GPC6: variants seen among roughly 807,000 people sequenced by gnomAD.
GPC6 encodes the protein glypican-6.
A neutral mutation model predicts 55.2 loss-of-function variants in GPC6; 14 were observed. The ratio of observed to expected loss-of-function variants is 0.25; its 90% CI spans 0.17 to 0.40. The LOEUF is 0.40. GPC6 is among the 10% of genes least tolerant of loss of function. The probability of loss-of-function intolerance (pLI) is 1.00; values close to 1 mark genes in which losing one functional copy is unlikely to be tolerated. For missense variants in GPC6, 641 were observed against 708.5 expected (o/e 0.90, Z 1.08); for synonymous variants, 278 against 259.6 (o/e 1.07, Z -0.68).
At chr13:94,346,301 G>A (rs908496273) in intron 6 of GPC6, among the ~76,000 whole-genome samples, 6 of 152,316 alleles carry the variant, frequency 3.9e-5, no homozygotes, top group Admixed American at 2.0e-4. Flanking sequence ...TGAGGATGGG[G>A]GGAGTGTGAG....
At position 93,412,036 on chromosome 13, in the gene GPC6, G is replaced by A. The variant is rs377550208; in HGVS notation, c.161-133227G>A. On this transcript the variant is annotated intron_variant, in intron 1 of 8. Transcript: ENST00000377047. ...AAAATAAATAAAATAAAAATAAATA[G>A]CCATTATATTCTCTCCATTATTCAA... 1.6e-4 allele frequency among the ~76,000 whole-genome samples: 24 copies of A among 151,558 alleles called. No individual in the cohort carries two copies. In the South Asian group the frequency reaches 4.8e-3, roughly 30 times the overall value.
chr13:93,776,922 G>A (rs1354796629), intron 2 of GPC6, among the ~76,000 whole-genome samples: 6 of 152,078 alleles, frequency 3.9e-5, no homozygotes, highest in Admixed American at 3.3e-4. Flanking sequence ...CAAACTATAC[G>A]GAACAGTTGT....
At chr13:93,854,238 G>A (rs868232872) in intron 3 of GPC6, among the ~76,000 whole-genome samples, 1 of 151,500 alleles carries the variant, frequency 6.6e-6, no homozygotes, top group Non-Finnish European at 1.5e-5. Flanking sequence ...AGCAGTTTGG[G>A]GAACAGCAAT....
rs185117949 is a variant in GPC6, at chr13:94,396,711, G to C, written c.1290-1755G>C. ...GGAAGGCATGGGATGGCTACAGTGA[G>C]TTGACTCTATAAGACAAGGAGGGTC... On this transcript the variant is annotated intron_variant, in intron 7 of 8. Transcript: ENST00000377047. 3.7e-3 allele frequency among the ~76,000 whole-genome samples: 565 copies of C among 152,358 alleles called. 1 individual carries two copies. Among genetic ancestry groups the C allele is most frequent in the Non-Finnish European group, 6.1e-3 (416 of 68,024 alleles).
intron 1 of GPC6, among the ~76,000 whole-genome samples, chr13:93,511,915 GTTTT>G (rs769852615): frequency 5.9e-5 from 9 of 151,554 alleles, no homozygotes; most frequent in Non-Finnish European, 1.0e-4. Flanking sequence ...AGGCTTTGGG[GTTTT>G]TTTGTTTGTT....
At chr13:93,753,348 A>G (rs940010680) in intron 2 of GPC6, among the ~76,000 whole-genome samples, 2 of 152,218 alleles carry the variant, frequency 1.3e-5, no homozygotes, top group African/African-American at 4.8e-5. Flanking sequence ...TGTTTGAAAT[A>G]ATTAGCAAAT....
intron 4 of GPC6, among the ~76,000 whole-genome samples, chr13:94,155,142 C>G (rs1887886929): frequency 1.3e-5 from 2 of 152,148 alleles, no homozygotes; most frequent in African/African-American, 4.8e-5. Flanking sequence ...GCCACTTCCA[C>G]AAATCCACCT....
intron 8 of GPC6, among the ~76,000 whole-genome samples, chr13:94,400,591 A>G (rs1881081724): frequency 6.6e-6 from 1 of 152,232 alleles, no homozygotes; most frequent in African/African-American, 2.4e-5. Context: ...TAGATGTCCC[A>G]TTAAAAAAAG....
chr13:94,328,379 A>G (rs764607659), intron 6 of GPC6, among the ~76,000 whole-genome samples: 2 of 152,244 alleles, frequency 1.3e-5, no homozygotes, highest in Non-Finnish European at 2.9e-5. Context: ...TTAATTAGAC[A>G]TGTAAAATGA....
intron 3 of GPC6, among the ~76,000 whole-genome samples, chr13:93,989,336 C>T (rs1459528067): frequency 6.6e-6 from 1 of 152,098 alleles, no homozygotes. Context: ...TTGCCAGAGC[C>T]TATACTGAAT....
intron 3 of GPC6, among the ~76,000 whole-genome samples, chr13:93,953,941 G>A (rs996326780): frequency 2.6e-5 from 4 of 152,114 alleles, no homozygotes; most frequent in Non-Finnish European, 4.4e-5. Context: ...CTGTTTTAAA[G>A]TGTACAATTC....
chr13:94,023,563 C>T (rs531670554), intron 3 of GPC6, among the ~76,000 whole-genome samples: 37 of 152,000 alleles, frequency 2.4e-4, no homozygotes, highest in African/African-American at 7.0e-4. Flanking sequence ...AACAGTTTAG[C>T]GATTTCTTAC....
intron 6 of GPC6, among the ~76,000 whole-genome samples, chr13:94,311,049 A>G (rs1594156627): frequency 6.6e-6 from 1 of 152,122 alleles, no homozygotes; most frequent in East Asian, 1.9e-4. Flanking sequence ...GATATCTTTC[A>G]GAGCATTCAG....
Position 93,782,402 on chromosome 13 carries a change from G to A in GPC6, c.320-47752G>A, listed in dbSNP as rs150421352. Among the ~76,000 whole-genome samples the A allele has an allele frequency of 5.9e-3, 892 of 152,162 alleles. 8 individuals carry two copies. Among genetic ancestry groups the A allele is most frequent in the Middle Eastern group, 0.027 (8 of 294 alleles). On this transcript the variant is annotated intron_variant, in intron 2 of 8. Transcript: ENST00000377047. ...GTGCTGAAGTGAACATGGGTTGTGCGTACATCTCTTGTACTTGCTTATTTC... is the reference window on the plus strand; with the variant it reads ...GTGCTGAAGTGAACATGGGTTGTGCATACATCTCTTGTACTTGCTTATTTC...
intron 4 of GPC6, 62 bp downstream of exon 4, chr13:94,027,956 T>G: frequency 7.0e-7 from 1 of 1,434,300 alleles, no homozygotes. Flanking sequence ...TTTATGGGGC[T>G]TGATGGGTGG....
chr13:94,260,022 A>C (rs1303367621), intron 4 of GPC6, among the ~76,000 whole-genome samples: 2 of 152,198 alleles, frequency 1.3e-5, no homozygotes, highest in Non-Finnish European at 2.9e-5. Flanking sequence ...TATCTACTTA[A>C]GTCCCTTTTT....
At chr13:94,351,978 A>AG (rs1314716194) in intron 6 of GPC6, among the ~76,000 whole-genome samples, 2 of 149,556 alleles carry the variant, frequency 1.3e-5, no homozygotes, top group African/African-American at 2.5e-5. Context: ...AAAAAAAAAA[A>AG]AAAAGAAAAA....
intron 3 of GPC6, among the ~76,000 whole-genome samples, chr13:93,975,918 C>T (rs539237286): frequency 6.6e-6 from 1 of 152,242 alleles, no homozygotes; most frequent in East Asian, 1.9e-4. Flanking sequence ...GGAAGGCCTC[C>T]TGTAGCCATC....
intron 3 of GPC6, among the ~76,000 whole-genome samples, chr13:93,874,338 C>T (rs148014504): frequency 1.3e-4 from 20 of 151,896 alleles, no homozygotes; most frequent in African/African-American, 2.9e-4. Flanking sequence ...CTAAAGACAA[C>T]GGCCTCCAGC....
Sources: gnomAD v4.1 joint callset for allele counts (sites outside exome capture counted in the v4.1 genomes callset) on GRCh38, gnomAD v4.1.1 for gene constraint, MANE v1.5 for transcripts, NCBI Gene and HGNC (gene_info 2026-07-23, HGNC 2026-07-21) for gene names.